ATAD2B: variants seen among roughly 807,000 people sequenced by gnomAD.
The protein encoded by ATAD2B is ATPase family AAA domain containing 2B.
ATAD2B carries 40 observed loss-of-function variants against 167.6 expected under a neutral mutation model. That is an observed-to-expected ratio of 0.24 (90% confidence interval 0.19 to 0.31). ATAD2B has a LOEUF of 0.31. Among genes scored for constraint, ATAD2B ranks in the 10% least tolerant of loss-of-function variants. The pLI is 1.00. For missense variants in ATAD2B, 1,242 were observed against 1,757.2 expected, an observed-to-expected ratio of 0.71 and a Z score of 5.24; for synonymous variants, 579 against 596.5, an observed-to-expected ratio of 0.97 and a Z score of 0.43.
chr2:23,767,929 GA>G (rs1677698927), intron 22 of ATAD2B, among the ~76,000 whole-genome samples: 1 of 151,562 alleles, frequency 6.6e-6, no homozygotes, highest in Non-Finnish European at 1.5e-5. Context: ...ACAGAATAGA[GA>G]GGAAAGGAGG....
At chr2:23,780,357 G>A (rs1679839335) in intron 22 of ATAD2B, among the ~76,000 whole-genome samples, 1 of 117,402 alleles carries the variant, frequency 8.5e-6, no homozygotes, top group African/African-American at 2.9e-5. Flanking sequence ...AAAACTATAA[G>A]AGGCAAATAA....
At chr2:23,703,690 G>A in the ATAD2B span, 60 of 1,517,852 alleles carry the variant, frequency 4.0e-5, no homozygotes, top group South Asian at 6.1e-5. Context: ...ACAAGCTGCC[G>A]TGACCTGCCT....
chr2:23,700,919 C>G, the ATAD2B span, among the ~76,000 whole-genome samples: 1 of 152,142 alleles, frequency 6.6e-6, no homozygotes, highest in Non-Finnish European at 1.5e-5. This position sits in a 1 kb window ranked among gnomAD's most constrained non-coding sequence, Gnocchi z 4.6. Flanking sequence ...CTACATTTCC[C>G]CAGTTTGTCC....
the ATAD2B span, among the ~76,000 whole-genome samples, chr2:23,715,775 T>C: frequency 6.6e-6 from 1 of 152,190 alleles, no homozygotes; most frequent in Admixed American, 6.5e-5. Context: ...TCCAAAGATT[T>C]GTGACTGATT....
intron 22 of ATAD2B, among the ~76,000 whole-genome samples, chr2:23,773,629 T>C (rs1678676515): frequency 6.6e-6 from 1 of 152,208 alleles, no homozygotes; most frequent in Non-Finnish European, 1.5e-5. Flanking sequence ...GGTTTAAAAT[T>C]GTGTGGGAAT....
intron 19 of ATAD2B, among the ~76,000 whole-genome samples, chr2:23,796,549 G>A (rs1682656668): frequency 6.6e-6 from 1 of 152,098 alleles, no homozygotes; most frequent in Admixed American, 6.5e-5. Context: ...ACAATATAGA[G>A]GGAAATTTTC....
chr2:23,785,963 G>T, intron 21 of ATAD2B, 64 bp downstream of exon 21: 2 of 1,387,412 alleles, frequency 1.4e-6, no homozygotes, highest in South Asian at 3.1e-5. Flanking sequence ...TCCAAAAAAA[G>T]ATGTCAATAT....
chr2:23,863,812 C>T (rs999230418), intron 11 of ATAD2B, among the ~76,000 whole-genome samples: 4 of 151,990 alleles, frequency 2.6e-5, no homozygotes, highest in Non-Finnish European at 4.4e-5. Flanking sequence ...TCCCAATGAC[C>T]CAGAAATTTC....
At chr2:23,721,467 C>T in the ATAD2B span, among the ~76,000 whole-genome samples, 34 of 152,212 alleles carry the variant, frequency 2.2e-4, no homozygotes, top group African/African-American at 7.9e-4. Flanking sequence ...TAAGAAACAG[C>T]CCAATGGGTC....
At chr2:23,691,678 G>A in the ATAD2B span, 146 of 1,551,528 alleles carry the variant, frequency 9.4e-5, no homozygotes, top group South Asian at 1.2e-4. Flanking sequence ...GCCTAGGTCC[G>A]TGCAAGACAG....
At chr2:23,703,624 T>G in the ATAD2B span, 1 of 1,395,856 alleles carries the variant, frequency 7.2e-7, no homozygotes, top group Non-Finnish European at 9.5e-7. Flanking sequence ...TGGAAGTCTT[T>G]CGAGCTTCCT....
chr2:23,782,389 G>A (rs1043646883), intron 22 of ATAD2B, among the ~76,000 whole-genome samples: 2 of 152,098 alleles, frequency 1.3e-5, no homozygotes, highest in African/African-American at 4.8e-5. Context: ...CAAAAGTTGG[G>A]ACTATACACT....
the ATAD2B span, among the ~76,000 whole-genome samples, chr2:23,711,339 T>C: frequency 3.0e-5 from 2 of 66,030 alleles, no homozygotes; most frequent in African/African-American, 9.4e-5. Flanking sequence ...ACAGAATTTC[T>C]TTCTTTTTTT....
chr2:23,884,991 T>C (rs1349328996), intron 5 of ATAD2B, 118 bp from the exon 6 acceptor site: 5 of 450,512 alleles, frequency 1.1e-5, no homozygotes, highest in African/African-American at 2.0e-5. Flanking sequence ...TTGCGTGCCA[T>C]AGATTCGTGA....
chr2:23,876,326 G>A (rs1007900327), intron 7 of ATAD2B, among the ~76,000 whole-genome samples: 1 of 135,492 alleles, frequency 7.4e-6, no homozygotes, highest in African/African-American at 2.8e-5. Context: ...TTTTGATACA[G>A]AGTCTCACTC....
intron 22 of ATAD2B, among the ~76,000 whole-genome samples, chr2:23,768,388 T>C (rs1367380146): frequency 6.6e-6 from 1 of 151,918 alleles, no homozygotes; most frequent in Non-Finnish European, 1.5e-5. Flanking sequence ...CTCATTCCCA[T>C]TACCTGCTCC....
chr2:23,904,529 T>A (rs1701236389), intron 1 of ATAD2B, among the ~76,000 whole-genome samples: 1 of 124,850 alleles, frequency 8.0e-6, no homozygotes, highest in Non-Finnish European at 1.7e-5. Context: ...AGGAAAGGAT[T>A]TTCCTTCCTT....
chr2:23,847,447 A>G (rs928763566), intron 13 of ATAD2B, among the ~76,000 whole-genome samples: 4 of 150,982 alleles, frequency 2.6e-5, no homozygotes, highest in East Asian at 2.0e-4. Flanking sequence ...GGAGGTTGCC[A>G]TGAGCAGAGA....
At chr2:23,888,530 G>T in intron 2 of ATAD2B, 131 bp from the exon 3 acceptor site, 1 of 584,060 alleles carries the variant, frequency 1.7e-6, no homozygotes, top group Non-Finnish European at 2.9e-6. Context: ...TTTACTGTAA[G>T]ATTGGTAATA....
Sources: gnomAD v4.1 joint callset for allele counts (sites outside exome capture counted in the v4.1 genomes callset) on GRCh38, gnomAD v4.1.1 for gene constraint, Gnocchi (gnomAD v3.1) non-coding constraint, MANE v1.5 for transcripts, NCBI Gene and HGNC (gene_info 2026-07-23, HGNC 2026-07-21) for gene names.